Variants in NCBP2L observed in about 807,000 individuals in gnomAD.
NCBP2L encodes nuclear cap binding protein subunit 2 like.
For synonymous variants in NCBP2L, 39 were observed against 19.2 expected (o/e 2.04, Z -2.70); for missense variants, 95 against 53.1 (o/e 1.79, Z -2.45).
At chrX:107,784,833 G>GC (rs1384126045) in intron 1 of NCBP2L, among the ~76,000 whole-genome samples, 41 of 101,646 alleles carry the variant, frequency 4.0e-4, no homozygotes, top group Admixed American at 1.4e-3. Context: ...AAAAAAAATA[G>GC]CCAGGTGTGG....
chrX:107,781,643 C>CTAT (rs1334689558), intron 1 of NCBP2L, among the ~76,000 whole-genome samples: 3 of 75,703 alleles, frequency 4.0e-5, no homozygotes, highest in Admixed American at 1.5e-4. Flanking sequence ...ATCTATCTAT[C>CTAT]TATCTATCAT....
intron 1 of NCBP2L, among the ~76,000 whole-genome samples, chrX:107,781,812 C>CTAGATATCTATATTTATATATAGATCTA (rs1569457168): frequency 1.1e-5 from 1 of 93,835 alleles, no homozygotes; most frequent in Admixed American, 1.2e-4. Context: ...ATATAGATAT[C>CTAGATATCTATATTTATATATAGATCTA]TAGATATCTA....
intron 1 of NCBP2L, among the ~76,000 whole-genome samples, chrX:107,790,639 C>T (rs1446812056): frequency 9.0e-6 from 1 of 111,653 alleles, no homozygotes; most frequent in African/African-American, 3.3e-5. Flanking sequence ...ACCCCTTGGT[C>T]TTCCAGTCAA....
intron 1 of NCBP2L, among the ~76,000 whole-genome samples, chrX:107,781,440 G>A (rs1341401553): frequency 9.5e-6 from 1 of 105,581 alleles, no homozygotes; most frequent in Admixed American, 1.0e-4. Context: ...CGAGTAGCTG[G>A]GACTACAGGT....
At chrX:107,780,595 A>G (rs1485496952) in intron 1 of NCBP2L, among the ~76,000 whole-genome samples, 1 of 107,117 alleles carries the variant, frequency 9.3e-6, no homozygotes, top group African/African-American at 3.4e-5. Flanking sequence ...GATCTGCACC[A>G]GGATGGCTAC....
chrX:107,794,373 C>T lies in NCBP2L; in HGVS notation c.153C>T (p.Thr51=), dbSNP rs752509605. Residue 51 remains threonine, a synonymous_variant, in exon 2 of 2, where the codon ACC becomes ACT. Coordinates refer to ENST00000509000, the MANE Select transcript of NCBP2L (RefSeq NM_001348372.2). ...TGGGGAATCTTTCCTTTTATACAAC[C>T]GAAGAGAAAATACATGAACTCTTTA... ...LNMGNLSFYT[T]EEKIHELFSR... The T allele has an allele frequency of 2.8e-5, 16 of 568,464 alleles. No homozygotes were observed. Among genetic ancestry groups the T allele is most frequent in the South Asian group, 8.9e-5 (4 of 44,818 alleles). 46.8% of individuals were successfully genotyped at this position (568,464 alleles called of 1,213,427 possible). A position where few individuals can be genotyped will look rare whatever the true frequency, so the allele number is the denominator to read the frequency against.
chrX:107,781,023 C>T (rs1930258512), intron 1 of NCBP2L, among the ~76,000 whole-genome samples: 1 of 110,508 alleles, frequency 9.0e-6, no homozygotes, highest in Admixed American at 9.7e-5. Flanking sequence ...ACCTCCTGGG[C>T]TCCAGGGGTC....
intron 1 of NCBP2L, among the ~76,000 whole-genome samples, chrX:107,781,472 A>ATTTTTT (rs769639335): frequency 1.4e-5 from 1 of 73,865 alleles, no homozygotes; most frequent in African/African-American, 6.8e-5. Context: ...CGCCCGGCTA[A>ATTTTTT]TTTTTTTTTT....
intron 1 of NCBP2L, among the ~76,000 whole-genome samples, chrX:107,779,901 G>A (rs1377284636): frequency 9.2e-6 from 1 of 108,570 alleles, no homozygotes; most frequent in African/African-American, 3.4e-5. Context: ...CTGCTACCAC[G>A]CCCGGCTAAT....
chrX:107,779,989 C>A (rs1930244883), intron 1 of NCBP2L, among the ~76,000 whole-genome samples: 1 of 108,472 alleles, frequency 9.2e-6, no homozygotes, highest in South Asian at 4.1e-4. Flanking sequence ...CGTGATCCGC[C>A]CGTCTCGGCC....
intron 1 of NCBP2L, among the ~76,000 whole-genome samples, chrX:107,786,100 C>T (rs189390730): frequency 9.0e-6 from 1 of 111,168 alleles, no homozygotes; most frequent in African/African-American, 3.3e-5. Context: ...TCCATTTGCC[C>T]TACTTTCCAC....
In NCBP2L at chrX:107,795,428, G is replaced by C. The variant is rs1359213558; in HGVS notation, c.*746G>C. Reference sequence around the variant, plus strand: ...TACAGAGGGTTCCTGAGTTACAATGGCTTGGCTTACAATGTTTGGACTTTA... The same window carrying C: ...TACAGAGGGTTCCTGAGTTACAATGCCTTGGCTTACAATGTTTGGACTTTA... On this transcript the variant is annotated 3_prime_UTR_variant, in exon 2 of 2. Transcript: ENST00000509000. 1 of 111,738 alleles carries C rather than the reference G, an allele frequency of 8.9e-6. No individual in the cohort carries two copies. The highest frequency in any genetic ancestry group is 1.9e-5 in the Non-Finnish European group (1 of 53,150). 9.2% of individuals were successfully genotyped at this position (111,738 alleles called of 1,213,427 possible).
At chrX:107,781,472 A>ATTTTTTTT (rs769639335) in intron 1 of NCBP2L, among the ~76,000 whole-genome samples, 4 of 73,865 alleles carry the variant, frequency 5.4e-5, no homozygotes, top group African/African-American at 2.7e-4. Flanking sequence ...CGCCCGGCTA[A>ATTTTTTTT]TTTTTTTTTT....
intron 1 of NCBP2L, among the ~76,000 whole-genome samples, chrX:107,782,312 AATAT>A (rs1260428039): frequency 2.3e-4 from 7 of 30,180 alleles, no homozygotes; most frequent in South Asian, 1.7e-3. Flanking sequence ...TATATATATA[AATAT>A]ATATATATAA....
chrX:107,792,223 A>G lies in NCBP2L; in HGVS notation c.-72-1926A>G, dbSNP rs770983933. 7.2e-5 allele frequency among the ~76,000 whole-genome samples: 8 copies of G among 111,316 alleles called. No individual in the cohort carries two copies. The Admixed American group carries it at 7.7e-4, about 11-fold the overall frequency. On this transcript the variant is annotated intron_variant, in intron 1 of 1. Coordinates refer to ENST00000509000, the MANE Select transcript of NCBP2L (RefSeq NM_001348372.2). ...ATCTCAACAAATGCCTGAAGCATCC[A>G]GCTTATATTTTGCCATCTCATCTAC...
intron 1 of NCBP2L, among the ~76,000 whole-genome samples, chrX:107,789,841 C>A (rs1189913106): frequency 9.1e-6 from 1 of 109,577 alleles, no homozygotes; most frequent in Admixed American, 9.8e-5. Context: ...CAGGTTTTTT[C>A]ATTCCTCACC....
At chrX:107,790,030 A>G (rs1405843569) in intron 1 of NCBP2L, among the ~76,000 whole-genome samples, 2 of 110,622 alleles carry the variant, frequency 1.8e-5, no homozygotes, top group Non-Finnish European at 3.8e-5. Flanking sequence ...CAAACTCAGT[A>G]TGTTCCAAAT....
chrX:107,782,226 T>A (rs181505445), intron 1 of NCBP2L, among the ~76,000 whole-genome samples: 12 of 19,231 alleles, frequency 6.2e-4, no homozygotes, highest in East Asian at 2.2e-3. Context: ...TATATAAATA[T>A]ATATATATAA....
intron 1 of NCBP2L, among the ~76,000 whole-genome samples, chrX:107,785,817 G>T (rs1052109695): frequency 3.6e-5 from 4 of 111,021 alleles, no homozygotes; most frequent in African/African-American, 1.3e-4. Context: ...GAGGATTGGG[G>T]AGATGCTGCT....
Sources: gnomAD v4.1 joint callset for allele counts (sites outside exome capture counted in the v4.1 genomes callset) on GRCh38, gnomAD v4.1.1 for gene constraint, MANE v1.5 for transcripts, NCBI Gene and HGNC (gene_info 2026-07-23, HGNC 2026-07-21) for gene names.